Variants in ST6GALNAC3 observed in about 807,000 individuals in gnomAD.
The protein encoded by ST6GALNAC3 is alpha-N-acetylgalactosaminide alpha-2,6-sialyltransferase 3.
ST6GALNAC3 carries 25 observed loss-of-function variants against 32.7 expected under a neutral mutation model. The observed-to-expected ratio is 0.76, with a 90% confidence interval of 0.56 to 1.07. The LOEUF (loss-of-function observed/expected upper bound fraction) is 1.07, where lower values mean the gene tolerates loss of function less well. ST6GALNAC3 is among the 50% of genes least tolerant of loss of function. The pLI, the probability that ST6GALNAC3 is intolerant of heterozygous loss-of-function variation, is 0.00. For synonymous variants in ST6GALNAC3, 129 were observed against 133.1 expected (o/e 0.97, Z 0.21); for missense variants, 355 against 382.4 (o/e 0.93, Z 0.60).
At chr1:76,595,688 C>T (rs1048632949) in intron 3 of ST6GALNAC3, among the ~76,000 whole-genome samples, 3 of 45,882 alleles carry the variant, frequency 6.5e-5, no homozygotes, top group South Asian at 1.9e-3. Context: ...ATCATACACA[C>T]GCACACACAC....
chr1:76,096,644 T>C (rs1410931802), intron 1 of ST6GALNAC3, among the ~76,000 whole-genome samples: 1 of 151,650 alleles, frequency 6.6e-6, no homozygotes, highest in East Asian at 1.9e-4. Context: ...CACCAAACAA[T>C]TAAATAGCCC....
chr1:76,246,746 G>C (rs368688544), intron 1 of ST6GALNAC3, among the ~76,000 whole-genome samples: 1 of 152,078 alleles, frequency 6.6e-6, no homozygotes, highest in Non-Finnish European at 1.5e-5. Context: ...CATTGGGTTC[G>C]AACATGCTCT....
At chr1:76,613,140 C>T (rs1648044600) in intron 3 of ST6GALNAC3, among the ~76,000 whole-genome samples, 1 of 152,130 alleles carries the variant, frequency 6.6e-6, no homozygotes. Flanking sequence ...AAATGACACT[C>T]TTAATTTTCT....
At chr1:76,438,935 CA>C (rs1301192336) in intron 3 of ST6GALNAC3, among the ~76,000 whole-genome samples, 1 of 152,142 alleles carries the variant, frequency 6.6e-6, no homozygotes, top group Non-Finnish European at 1.5e-5. Context: ...TTCTGAAGAG[CA>C]AGGGGCAGTT....
At chr1:76,606,050 A>G (rs766562149) in intron 3 of ST6GALNAC3, among the ~76,000 whole-genome samples, 1 of 152,022 alleles carries the variant, frequency 6.6e-6, no homozygotes, top group Non-Finnish European at 1.5e-5. Flanking sequence ...GGCAATTATT[A>G]AAACATCAAG....
intron 3 of ST6GALNAC3, among the ~76,000 whole-genome samples, chr1:76,505,166 C>T (rs1233951484): frequency 2.0e-5 from 3 of 151,898 alleles, no homozygotes; most frequent in Admixed American, 6.6e-5. Context: ...CTCTGTCACC[C>T]AGGCTGGAGT....
chr1:76,093,862 CATGCCACATAAGCCAG>C (rs1647085087), intron 1 of ST6GALNAC3, among the ~76,000 whole-genome samples: 2 of 152,312 alleles, frequency 1.3e-5, no homozygotes, highest in African/African-American at 4.8e-5. Flanking sequence ...CTTTGTTGAA[CATGCCACATAAGCCAG>C]ATGCCACATA....
chr1:76,533,057 G>C (rs139863199), intron 3 of ST6GALNAC3, among the ~76,000 whole-genome samples: 1 of 152,120 alleles, frequency 6.6e-6, no homozygotes, highest in Non-Finnish European at 1.5e-5. Flanking sequence ...ATAACTTGCA[G>C]CTGCCAGAAT....
intron 2 of ST6GALNAC3, among the ~76,000 whole-genome samples, chr1:76,359,574 T>C (rs367579838): frequency 3.3e-5 from 5 of 152,298 alleles, no homozygotes; most frequent in African/African-American, 1.2e-4. Context: ...TGCCAACACA[T>C]TGATCTCAAA....
At chr1:76,371,168 A>G (rs1650782342) in intron 2 of ST6GALNAC3, among the ~76,000 whole-genome samples, 1 of 152,202 alleles carries the variant, frequency 6.6e-6, no homozygotes, top group African/African-American at 2.4e-5. Context: ...AGCATTTACT[A>G]CTTTTAAAGC....
At chr1:76,112,838 C>T (rs569817763) in intron 1 of ST6GALNAC3, among the ~76,000 whole-genome samples, 1 of 151,844 alleles carries the variant, frequency 6.6e-6, no homozygotes, top group South Asian at 2.1e-4. Context: ...GGCAGAGACG[C>T]TCCTCACTTT....
chr1:76,474,065 C>T (rs1018931337), intron 3 of ST6GALNAC3, among the ~76,000 whole-genome samples: 52 of 152,104 alleles, frequency 3.4e-4, no homozygotes, highest in African/African-American at 1.2e-3. Context: ...TCAACGAGTT[C>T]AATCACCCCA....
intron 1 of ST6GALNAC3, among the ~76,000 whole-genome samples, chr1:76,176,502 G>A (rs1652863953): frequency 6.6e-6 from 1 of 152,190 alleles, no homozygotes; most frequent in African/African-American, 2.4e-5. Flanking sequence ...AACTGATTCG[G>A]AGACTCAGTA....
intron 2 of ST6GALNAC3, among the ~76,000 whole-genome samples, chr1:76,340,806 C>T (rs947875304): frequency 5.9e-5 from 9 of 152,018 alleles, no homozygotes; most frequent in Non-Finnish European, 1.2e-4. Flanking sequence ...GAGAAGACAC[C>T]TCTCAGAATC....
chr1:76,182,870 TACAACCTACGAATTACCTAAA>T (rs1380506650), intron 1 of ST6GALNAC3, among the ~76,000 whole-genome samples: 1 of 152,158 alleles, frequency 6.6e-6, no homozygotes, highest in Non-Finnish European at 1.5e-5. Context: ...CATTAGTTTT[TACAACCTACGAATTACCTAAA>T]ACAACTTTAG....
intron 3 of ST6GALNAC3, among the ~76,000 whole-genome samples, chr1:76,485,415 A>G (rs1660042778): frequency 6.6e-6 from 1 of 152,164 alleles, no homozygotes; most frequent in Admixed American, 6.5e-5. Flanking sequence ...TTATTGGTCT[A>G]TTCAGGGATT....
chr1:76,502,445 G>T (rs1661229682), intron 3 of ST6GALNAC3, among the ~76,000 whole-genome samples: 1 of 152,162 alleles, frequency 6.6e-6, no homozygotes, highest in South Asian at 2.1e-4. Context: ...CCAAAATCTG[G>T]ATGTCAGCAG....
intron 3 of ST6GALNAC3, among the ~76,000 whole-genome samples, chr1:76,537,282 C>G (rs1315330788): frequency 6.6e-6 from 1 of 152,050 alleles, no homozygotes; most frequent in African/African-American, 2.4e-5. Flanking sequence ...CCAATAAAAA[C>G]AAAGAGACAA....
At chr1:76,295,155 T>C (rs1020066356) in intron 1 of ST6GALNAC3, among the ~76,000 whole-genome samples, 1 of 152,084 alleles carries the variant, frequency 6.6e-6, no homozygotes, top group Admixed American at 6.6e-5. Context: ...TATGAGGCTT[T>C]ATTTTTTCCC....
Sources: allele counts gnomAD v4.1 joint callset (sites outside exome capture counted in the v4.1 genomes callset), GRCh38; gene constraint gnomAD v4.1.1; transcripts MANE v1.5; gene names NCBI Gene and HGNC (gene_info 2026-07-23, HGNC 2026-07-21).